CCDC154: variants seen among roughly 807,000 people sequenced by gnomAD.
The protein encoded by CCDC154 is coiled-coil domain-containing protein 154.
Under a neutral mutation model 87.5 loss-of-function variants are expected in CCDC154, and 91 were observed. The observed-to-expected ratio is 1.04, with a 90% CI of 0.88 to 1.24. CCDC154 has a LOEUF of 1.24. Among genes scored for constraint, CCDC154 ranks in the 50% most tolerant of loss-of-function variants. CCDC154 has a pLI of 0.00. For synonymous variants in CCDC154, 418 were observed against 400.4 expected, an observed-to-expected ratio of 1.04 and a Z score of -0.52; for missense variants, 903 against 879.2, an observed-to-expected ratio of 1.03 and a Z score of -0.34.
chr16:1,436,343 T>G, intron 13 of CCDC154, 102 bp downstream of exon 13: 1 of 1,101,514 alleles, frequency 9.1e-7, no homozygotes, highest in African/African-American at 1.5e-5. Context: ...GGAACAGGTC[T>G]GTCACGATAC....
intron 9 of CCDC154, 101 bp from the exon 10 acceptor site, chr16:1,438,277 GA>G: frequency 1.5e-6 from 2 of 1,376,196 alleles, no homozygotes; most frequent in Non-Finnish European, 1.9e-6. Flanking sequence ...AACCTCCCAG[GA>G]GACCCTGGGA....
rs757328195 is a variant in CCDC154 at position 1,439,106 on chromosome 16, G to C, written c.696C>G (p.Gly232=). ...TCAGGAAGCGCAGGCTCACCTCTTC[G>C]CCGAGCTTGGTCACCTGGGCCTGGG... The part of the protein sequence containing the change: ...ARMQAQVTKL[G]EEVSLRFLKR... Residue 232 remains glycine, a synonymous_variant, in exon 7 of 17, where the codon GGC becomes GGG. Coordinates refer to ENST00000389176, the MANE Select transcript of CCDC154 (RefSeq NM_001143980.3). 6.5e-7 allele frequency: 1 copy of C among 1,549,988 alleles called. No homozygotes were observed. Among genetic ancestry groups the C allele is most frequent in the Non-Finnish European group, 8.7e-7 (1 of 1,146,862 alleles).
chr16:1,434,867 T>G lies in CCDC154; in HGVS notation c.1693-15A>C. On this transcript the variant is annotated splice_polypyrimidine_tract_variant and intron_variant, in intron 15 of 16. Transcript: ENST00000389176. ...TCCTGCGTGCGCTGTGGGACGGGGATGCTGGTGTCACCCAGGAGCCAGACC... is the reference window on the plus strand; with the variant it reads ...TCCTGCGTGCGCTGTGGGACGGGGAGGCTGGTGTCACCCAGGAGCCAGACC... 2 of 1,484,242 alleles carry G rather than the reference T, an allele frequency of 1.3e-6. No individual in the cohort carries two copies. Among genetic ancestry groups the G allele is most frequent in the Non-Finnish European group, 1.8e-6 (2 of 1,118,686 alleles). 91.9% of individuals were successfully genotyped at this position (1,484,242 alleles called of 1,614,324 possible). A position where few individuals can be genotyped will look rare whatever the true frequency, so the allele number is the denominator to read the frequency against.
chr16:1,435,075 C>A lies in CCDC154; in HGVS notation c.1692+14G>T. On this transcript the variant is annotated intron_variant, in intron 15 of 16. Coordinates refer to ENST00000389176, the MANE Select transcript of CCDC154 (RefSeq NM_001143980.3). ...TGGGAGCTGGGCGGTGCCGGCCGGG[C>A]AAGGCCTCCTCACCAGCCGGGCCTC... 1 of 1,547,634 alleles carries A rather than the reference C, an allele frequency of 6.5e-7. No individual in the cohort carries two copies.
At position 1,435,079 on chromosome 16, in the gene CCDC154, GCCT is replaced by G. The variant is rs1379364117; in HGVS notation, c.1692+7_1692+9del. On this transcript the variant is annotated splice_region_variant and intron_variant, in intron 15 of 16. Coordinates refer to ENST00000389176, the MANE Select transcript of CCDC154 (RefSeq NM_001143980.3). ...AGCTGGGCGGTGCCGGCCGGGCAAGGCCTCCTCACCAGCCGGGCCTCAGTGTTG... is the reference window on the plus strand; with the variant it reads ...AGCTGGGCGGTGCCGGCCGGGCAAGGCCTCACCAGCCGGGCCTCAGTGTTG... 6.5e-7 allele frequency: 1 copy of G among 1,548,100 alleles called. No homozygotes were observed. Among genetic ancestry groups the G allele is most frequent in the Non-Finnish European group, 8.7e-7 (1 of 1,146,026 alleles).
At chr16:1,438,201 C>A (rs1362562153) in intron 9 of CCDC154, 25 bp from the exon 10 acceptor site, 2 of 1,499,866 alleles carry the variant, frequency 1.3e-6, no homozygotes, top group Non-Finnish European at 1.8e-6. Context: ...CACATAGACA[C>A]CCTCAGTGGA....
Position 1,437,883 on chromosome 16 carries a change from G to A in CCDC154, c.1224C>T (p.Gly408=), listed in dbSNP as rs1402336471. ...QLAGQLKELS[G]HLPALSSRLD... ...GCCGGCTGCTCAGAGCCGGGAGATG[G>A]CCACTCAGCTCCTTTAACTGCCCGG... The change falls in exon 11 of 17, where the codon GGC becomes GGT. Residue 408 remains glycine (G), a synonymous_variant. Coordinates refer to ENST00000389176, the MANE Select transcript of CCDC154 (RefSeq NM_001143980.3). The A allele has an allele frequency of 3.9e-6, 6 of 1,545,570 alleles. No homozygotes were observed. Among genetic ancestry groups the A allele is most frequent in the East Asian group, 2.4e-5 (1 of 40,918 alleles).
intron 12 of CCDC154, 73 bp from the exon 13 acceptor site, chr16:1,436,594 A>G (rs1322106428): frequency 1.9e-6 from 3 of 1,545,100 alleles, no homozygotes; most frequent in East Asian, 4.9e-5. Flanking sequence ...CGACCCACAC[A>G]GGGAGAGGGA....
chr16:1,442,602 C>T (rs1321931002), intron 5 of CCDC154, 73 bp from the exon 6 acceptor site: 1 of 1,449,634 alleles, frequency 6.9e-7, no homozygotes, highest in African/African-American at 1.4e-5. Context: ...GACCCACAGG[C>T]TGGCCAGGCA....
rs527918221 is a variant in CCDC154 at position 1,437,993 on chromosome 16, C to T, written c.1153-39G>A. 63 of 1,536,410 alleles carry T rather than the reference C, an allele frequency of 4.1e-5. No homozygotes were observed. The South Asian group carries it at 4.2e-4, about 10-fold the overall frequency. On this transcript the variant is annotated intron_variant, in intron 10 of 16. Coordinates refer to ENST00000389176, the MANE Select transcript of CCDC154 (RefSeq NM_001143980.3). The stretch of plus-strand genomic sequence containing the variant: ...GTGGGCACGGGGAGGCCTGGCTGAG[C>T]GCCCATCCCGTGTGCGTGGGAGACC...
At chr16:1,444,092 C>A in intron 1 of CCDC154, 80 bp from the exon 2 acceptor site, 2 of 1,150,052 alleles carry the variant, frequency 1.7e-6, no homozygotes, top group South Asian at 2.6e-5. Context: ...CCCAAACCCC[C>A]GCAGGACCCT....
chr16:1,438,347 A>G, intron 9 of CCDC154, 171 bp from the exon 10 acceptor site: 1 of 871,564 alleles, frequency 1.1e-6, no homozygotes, highest in South Asian at 1.8e-5. Context: ...CATGGCCACC[A>G]AGATGGGCGT....
Position 1,444,549 on chromosome 16 carries a change from TC to T in CCDC154, c.-228del. Reference sequence around the variant, plus strand: ...GGGCCGTTCCAGAACCTTCCTTCTCTCCCCAGAACCTCACGGCTTCACAGCC... The same window carrying T: ...GGGCCGTTCCAGAACCTTCCTTCTCTCCCAGAACCTCACGGCTTCACAGCC... On this transcript the variant is annotated 5_prime_UTR_variant, in exon 1 of 17. Transcript: ENST00000389176. 3.0e-6 allele frequency: 1 copy of T among 336,440 alleles called. No individual in the cohort carries two copies. The allele number at this position is 336,440 out of a possible 1,614,324, so 20.8% of individuals were successfully genotyped here. A position where few individuals can be genotyped will look rare whatever the true frequency, so the allele number is the denominator to read the frequency against.
intron 4 of CCDC154, 51 bp from the exon 5 acceptor site, chr16:1,443,026 C>G (rs558663288): frequency 1.0e-5 from 16 of 1,542,650 alleles, no homozygotes; most frequent in Middle Eastern, 3.4e-4. Context: ...TGAGCAGCCT[C>G]GGCGGGCTGG....
At chr16:1,436,375 G>A (rs915327761) in intron 13 of CCDC154, 70 bp downstream of exon 13, 37 of 1,292,874 alleles carry the variant, frequency 2.9e-5, no homozygotes, top group Middle Eastern at 1.8e-4. Context: ...GGAGAGTAGC[G>A]TGGGGACCGG....
rs933713377 is a variant in CCDC154 at position 1,435,029 on chromosome 16, C to T, written c.1692+60G>A. 34 of 1,497,750 alleles carry T rather than the reference C, an allele frequency of 2.3e-5. No individual in the cohort carries two copies. The African/African-American group carries it at 3.6e-4, about 16-fold the overall frequency. The allele number at this position is 1,497,750 out of a possible 1,614,324, so 92.8% of individuals were successfully genotyped here. ...GCCTGCAGCAGGGCAGGCGGGGAGG[C>T]GGCAGGGCTGAGGGAGCGGGTGGGA... On this transcript the variant is annotated intron_variant, in intron 15 of 16. Transcript: ENST00000389176.
rs112232284 is a variant in CCDC154, at chr16:1,443,487, G to C, written c.414+19C>G. ...CCAGGAAAGGGGCAGCTCGACCTGT[G>C]GGTGGGGGAGCCGCTCACCTCCGGC... On this transcript the variant is annotated intron_variant, in intron 3 of 16. Transcript: ENST00000389176. The C allele has an allele frequency of 0.011, 16,463 of 1,450,204 alleles. 124 individuals are homozygous for C. The highest frequency in any genetic ancestry group is 0.013 in the Non-Finnish European group (14,555 of 1,110,606). The allele number at this position is 1,450,204 out of a possible 1,614,324, so 89.8% of individuals were successfully genotyped here.
In CCDC154 at chr16:1,438,739, T is replaced by C. The variant is rs1482751479; in HGVS notation, c.907-2A>G. 6.5e-7 allele frequency: 1 copy of C among 1,549,208 alleles called. No individual in the cohort carries two copies. The highest frequency in any genetic ancestry group is 1.7e-4 in the Middle Eastern group (1 of 5,898). ...GCACTGCTCCAGGAGGTGGCTCTCCTGCCAGGGGGTGGAGGCCGCCCTGAG... is the reference window on the plus strand; with the variant it reads ...GCACTGCTCCAGGAGGTGGCTCTCCCGCCAGGGGGTGGAGGCCGCCCTGAG... On this transcript the variant is annotated splice_acceptor_variant, in intron 8 of 16. Transcript: ENST00000389176. LOFTEE classifies it high-confidence loss of function.
Position 1,444,012 on chromosome 16 carries a change from T to G in CCDC154, c.8A>C (p.Glu3Ala). The change falls in exon 2 of 17, where the codon GAG becomes GCG. Residue 3 changes from glutamate to alanine, a missense_variant and splice_region_variant. Glu to Ala is a moderately radical substitution (Grantham distance 107). Transcript: ENST00000389176. MS[E>A]LADSGPSGAS... ...CCCTGAGGGTCCACTGTCAGCCAAC[T>G]CTACAAGGAGGCATCTTGGGAGCTT... 1 of 1,298,696 alleles carries G rather than the reference T, an allele frequency of 7.7e-7. No homozygotes were observed. Among genetic ancestry groups the G allele is most frequent in the Admixed American group, 2.3e-5 (1 of 43,558 alleles). The allele number at this position is 1,298,696 out of a possible 1,614,324, so 80.4% of individuals were successfully genotyped here. A position where few individuals can be genotyped will look rare whatever the true frequency, so the allele number is the denominator to read the frequency against.
Sources: allele counts gnomAD v4.1 joint callset, GRCh38; gene constraint gnomAD v4.1.1; transcripts MANE v1.5; gene names NCBI Gene and HGNC (gene_info 2026-07-23, HGNC 2026-07-21).